PPP3CA: variants seen among roughly 807,000 people sequenced by gnomAD.
PPP3CA encodes CAM-PRP catalytic subunit.
A neutral mutation model predicts 66.5 loss-of-function variants in PPP3CA; 14 were observed. The ratio of observed to expected loss-of-function variants is 0.21; its 90% CI spans 0.14 to 0.33. PPP3CA has a LOEUF of 0.33. Ranked by LOEUF, PPP3CA falls within the 10% of genes least tolerant of loss-of-function variation. The pLI, the probability that PPP3CA is intolerant of heterozygous loss-of-function variation, is 1.00. For missense variants in PPP3CA, 317 were observed against 639.5 expected (o/e 0.50, Z 5.44); for synonymous variants, 232 against 226.2 (o/e 1.03, Z -0.23).
At chr4:101,085,106 A>G (rs1326393149) in intron 6 of PPP3CA, among the ~76,000 whole-genome samples, 1 of 152,266 alleles carries the variant, frequency 6.6e-6, no homozygotes, top group East Asian at 1.9e-4. Context: ...CAAAAACAGC[A>G]GATTTGTTTG....
intron 13 of PPP3CA, among the ~76,000 whole-genome samples, chr4:101,028,093 C>T (rs1056520418): frequency 6.6e-6 from 1 of 152,142 alleles, no homozygotes. Context: ...ATTGTTTCCC[C>T]TACCATATCC....
chr4:101,061,311 A>G (rs747097004), intron 9 of PPP3CA, 150 bp from the exon 10 acceptor site: 27 of 660,904 alleles, frequency 4.1e-5, no homozygotes, highest in Non-Finnish European at 7.2e-5. Context: ...AGATCATAAA[A>G]GACAGCCTTT....
At chr4:101,182,686 T>C (rs1455448610) in intron 2 of PPP3CA, among the ~76,000 whole-genome samples, 2 of 152,096 alleles carry the variant, frequency 1.3e-5, no homozygotes, top group African/African-American at 4.8e-5. Context: ...CATTAACAAA[T>C]CTAGATTTTG....
chr4:101,038,900 T>C (rs1727381558), intron 11 of PPP3CA, among the ~76,000 whole-genome samples: 1 of 152,216 alleles, frequency 6.6e-6, no homozygotes, highest in Non-Finnish European at 1.5e-5. Context: ...ACATGTGCAA[T>C]TTTAAGTCAA....
intron 1 of PPP3CA, among the ~76,000 whole-genome samples, chr4:101,225,904 A>G (rs935410342): frequency 1.3e-5 from 2 of 151,786 alleles, no homozygotes; most frequent in Non-Finnish European, 2.9e-5. Flanking sequence ...ATAAAGATGA[A>G]CATTTGTGTT....
intron 2 of PPP3CA, among the ~76,000 whole-genome samples, chr4:101,110,185 T>C (rs539912402): frequency 1.3e-5 from 2 of 152,208 alleles, no homozygotes; most frequent in Non-Finnish European, 2.9e-5. Flanking sequence ...ACACTAAGAG[T>C]TACACAGAAT....
intron 1 of PPP3CA, among the ~76,000 whole-genome samples, chr4:101,266,580 C>T (rs977116760): frequency 6.6e-6 from 1 of 152,014 alleles, no homozygotes; most frequent in Non-Finnish European, 1.5e-5. Flanking sequence ...TTAAAGATGG[C>T]CTAATGAAAT....
intron 1 of PPP3CA, among the ~76,000 whole-genome samples, chr4:101,294,458 G>A (rs1728128425): frequency 6.6e-6 from 1 of 152,014 alleles, no homozygotes; most frequent in Non-Finnish European, 1.5e-5. Flanking sequence ...TGTTTGCCTT[G>A]GGGTATTTCA....
At chr4:101,054,154 T>C (rs2110220054) in intron 10 of PPP3CA, among the ~76,000 whole-genome samples, 1 of 151,272 alleles carries the variant, frequency 6.6e-6, no homozygotes, top group Admixed American at 6.6e-5. Context: ...AAGATTAATA[T>C]ATTCCCCCTA....
intron 9 of PPP3CA, among the ~76,000 whole-genome samples, chr4:101,062,927 A>C (rs1272452923): frequency 6.6e-6 from 1 of 152,030 alleles, no homozygotes; most frequent in Non-Finnish European, 1.5e-5. Flanking sequence ...GGTAGACATT[A>C]CTTGAAACCA....
At chr4:101,029,117 GA>G in intron 13 of PPP3CA, 48 bp downstream of exon 13, 1 of 1,524,998 alleles carries the variant, frequency 6.6e-7, no homozygotes, top group Non-Finnish European at 9.1e-7. Context: ...ACACCCAGCA[GA>G]GCCCTTATCT....
At chr4:101,047,162 T>C (rs899654598) in intron 10 of PPP3CA, among the ~76,000 whole-genome samples, 3 of 152,202 alleles carry the variant, frequency 2.0e-5, no homozygotes, top group Non-Finnish European at 4.4e-5. Flanking sequence ...TTACTTTAGA[T>C]ATCCACCCAG....
chr4:101,059,641 G>T (rs1728374651), intron 10 of PPP3CA, among the ~76,000 whole-genome samples: 1 of 151,966 alleles, frequency 6.6e-6, no homozygotes, highest in Admixed American at 6.6e-5. Context: ...CTTTTAGAAA[G>T]GACCACATTC....
intron 1 of PPP3CA, among the ~76,000 whole-genome samples, chr4:101,274,268 C>A (rs1393065246): frequency 6.6e-6 from 1 of 152,100 alleles, no homozygotes; most frequent in Non-Finnish European, 1.5e-5. Flanking sequence ...TGCAAGATTG[C>A]GCCACTGCAC....
intron 2 of PPP3CA, among the ~76,000 whole-genome samples, chr4:101,190,695 T>TTG (rs1470016900): frequency 6.6e-6 from 1 of 152,038 alleles, no homozygotes; most frequent in African/African-American, 2.4e-5. Context: ...CCCCAAGAGC[T>TTG]TGTAAAGAAA....
At chr4:101,322,884 C>T (rs1033166122) in intron 1 of PPP3CA, among the ~76,000 whole-genome samples, 1 of 152,040 alleles carries the variant, frequency 6.6e-6, no homozygotes, top group African/African-American at 2.4e-5. Context: ...TTTGAAGAGA[C>T]ATAAAAATAG....
chr4:101,268,183 A>T (rs1727227486), intron 1 of PPP3CA, among the ~76,000 whole-genome samples: 1 of 152,122 alleles, frequency 6.6e-6, no homozygotes, highest in Non-Finnish European at 1.5e-5. Context: ...AAAAAACATA[A>T]ATAAGTAACA....
At chr4:101,108,027 G>A (rs1048994568) in intron 3 of PPP3CA, 6 of 152,152 alleles carry the variant, frequency 3.9e-5, no homozygotes, top group African/African-American at 1.4e-4. Flanking sequence ...ACAAAGATAT[G>A]AATAAAACAA....
At chr4:101,091,586 C>G (rs1014885490) in intron 6 of PPP3CA, among the ~76,000 whole-genome samples, 1 of 151,878 alleles carries the variant, frequency 6.6e-6, no homozygotes, top group African/African-American at 2.4e-5. Context: ...ATCACATCAA[C>G]AGATAGAAAA....
Sources: gnomAD v4.1 joint callset for allele counts (sites outside exome capture counted in the v4.1 genomes callset) on GRCh38, gnomAD v4.1.1 for gene constraint, MANE v1.5 for transcripts, NCBI Gene and HGNC (gene_info 2026-07-23, HGNC 2026-07-21) for gene names.